TRDN: variants seen among roughly 807,000 people sequenced by gnomAD.
The protein encoded by TRDN is triadin in skeletal muscle.
In TRDN, 161 loss-of-function variants were observed where a neutral mutation model predicts 149.7. That is an observed-to-expected ratio of 1.08 (90% CI 0.95 to 1.23). TRDN has a LOEUF of 1.23. TRDN is among the 50% of genes most tolerant of loss of function. The pLI is 0.00. For missense variants in TRDN, 896 were observed against 823.5 expected, an observed-to-expected ratio of 1.09 and a Z score of -1.08; for synonymous variants, 294 against 250.5, an observed-to-expected ratio of 1.17 and a Z score of -1.64.
intron 2 of TRDN, among the ~76,000 whole-genome samples, chr6:123,562,149 C>T (rs1782036052): frequency 2.6e-5 from 4 of 152,244 alleles, no homozygotes; most frequent in African/African-American, 9.6e-5. Context: ...ACCTCGTGAC[C>T]CCTGCCCCTG....
intron 8 of TRDN, chr6:123,502,333 T>A (rs1276309189): frequency 1.2e-6 from 1 of 808,670 alleles, no homozygotes; most frequent in Non-Finnish European, 1.5e-6. Flanking sequence ...TAATTAACTT[T>A]TAAATTTTTT....
At chr6:123,351,937 T>C in intron 21 of TRDN, 1 of 982,188 alleles carries the variant, frequency 1.0e-6, no homozygotes, top group Non-Finnish European at 1.2e-6. Context: ...TCAAGCAGAG[T>C]CTGGAGTGAT....
chr6:123,503,672 C>T (rs1455684152), intron 8 of TRDN, 47 bp downstream of exon 8: 1 of 1,610,390 alleles, frequency 6.2e-7, no homozygotes, highest in Non-Finnish European at 8.5e-7. Context: ...GCTTCTTGCC[C>T]AATATTCTCT....
chr6:123,479,881 G>A (rs1448475157), intron 9 of TRDN, among the ~76,000 whole-genome samples: 2 of 152,000 alleles, frequency 1.3e-5, no homozygotes, highest in Non-Finnish European at 2.9e-5. Context: ...TAGTACAGTA[G>A]GAAGACATTA....
chr6:123,310,795 G>A (rs187623074), intron 24 of TRDN, among the ~76,000 whole-genome samples: 1 of 152,028 alleles, frequency 6.6e-6, no homozygotes, highest in East Asian at 1.9e-4. Flanking sequence ...GGTTTTTAAT[G>A]CAAAGGAAAG....
At chr6:123,398,467 C>T (rs1772825866) in intron 12 of TRDN, among the ~76,000 whole-genome samples, 2 of 152,066 alleles carry the variant, frequency 1.3e-5, no homozygotes, top group African/African-American at 4.8e-5. Context: ...TTATTTTTTG[C>T]ATAAGATAGT....
chr6:123,283,266 C>G (rs1275704093), intron 24 of TRDN, among the ~76,000 whole-genome samples: 3 of 151,706 alleles, frequency 2.0e-5, no homozygotes, highest in African/African-American at 7.3e-5. Context: ...TCTTTGAACT[C>G]AATGATAATA....
At chr6:123,524,206 A>G (rs1779825662) in intron 5 of TRDN, among the ~76,000 whole-genome samples, 1 of 152,202 alleles carries the variant, frequency 6.6e-6, no homozygotes. Context: ...GTCAGTCATT[A>G]GGACAAAGAA....
chr6:123,490,104 A>G (rs750861307), intron 9 of TRDN, among the ~76,000 whole-genome samples: 3 of 152,192 alleles, frequency 2.0e-5, no homozygotes, highest in Non-Finnish European at 4.4e-5. Flanking sequence ...TACAAGTGAA[A>G]TCTCAGACTA....
intron 8 of TRDN, among the ~76,000 whole-genome samples, chr6:123,501,242 T>C (rs776528243): frequency 3.9e-5 from 6 of 152,126 alleles, no homozygotes; most frequent in Admixed American, 3.3e-4. Flanking sequence ...AATAAATATG[T>C]GTCCCATGTG....
At chr6:123,400,167 G>GTATATATATATATA (rs374126829) in intron 12 of TRDN, among the ~76,000 whole-genome samples, 8,341 of 123,016 alleles carry the variant, frequency 0.068, 347 homozygotes, top group African/African-American at 0.083. Flanking sequence ...ATATGTATGT[G>GTATATATATATATA]TATATATATA....
intron 24 of TRDN, among the ~76,000 whole-genome samples, chr6:123,303,333 C>T (rs1455866761): frequency 1.3e-5 from 2 of 152,110 alleles, no homozygotes; most frequent in Non-Finnish European, 2.9e-5. Context: ...TGTTGTTGGA[C>T]CTACTGTGGC....
intron 9 of TRDN, among the ~76,000 whole-genome samples, chr6:123,486,463 C>T (rs1398077424): frequency 2.6e-5 from 4 of 151,832 alleles, no homozygotes; most frequent in Non-Finnish European, 5.9e-5. Context: ...ATTGTATTCC[C>T]GTTGATCCTT....
intron 35 of TRDN, among the ~76,000 whole-genome samples, chr6:123,259,142 G>A (rs1334252157): frequency 6.6e-6 from 1 of 151,848 alleles, no homozygotes; most frequent in East Asian, 1.9e-4. Context: ...CACTCCTTCA[G>A]TTCTGCTCTG....
intron 24 of TRDN, among the ~76,000 whole-genome samples, chr6:123,304,189 G>A (rs1363048993): frequency 1.3e-5 from 2 of 151,302 alleles, no homozygotes; most frequent in African/African-American, 4.9e-5. Flanking sequence ...TTGATTAGCA[G>A]TTAGAAATGC....
intron 38 of TRDN, among the ~76,000 whole-genome samples, chr6:123,248,920 A>G: frequency 6.6e-6 from 1 of 152,172 alleles, no homozygotes; most frequent in Non-Finnish European, 1.5e-5. Flanking sequence ...ACAAAGAAAT[A>G]AAACTCCCAA....
At chr6:123,465,109 T>C in intron 9 of TRDN, 126 bp from the exon 10 acceptor site, 1 of 1,061,400 alleles carries the variant, frequency 9.4e-7, no homozygotes, top group Middle Eastern at 3.2e-4. Flanking sequence ...TAAATCATAT[T>C]ATTATGCAAA....
At chr6:123,559,315 C>G (rs927942049) in intron 2 of TRDN, among the ~76,000 whole-genome samples, 2 of 152,178 alleles carry the variant, frequency 1.3e-5, no homozygotes, top group African/African-American at 4.8e-5. Flanking sequence ...AACTCCCCAG[C>G]TCTGGTGCCA....
chr6:123,626,270 C>A (rs550534233), intron 1 of TRDN, among the ~76,000 whole-genome samples: 1 of 152,106 alleles, frequency 6.6e-6, no homozygotes, highest in Non-Finnish European at 1.5e-5. Context: ...TCCCTTGAGA[C>A]CAGGAGTTCA....
Sources: gnomAD v4.1 joint callset for allele counts (sites outside exome capture counted in the v4.1 genomes callset) on GRCh38, gnomAD v4.1.1 for gene constraint, MANE v1.5 for transcripts, NCBI Gene and HGNC (gene_info 2026-07-23, HGNC 2026-07-21) for gene names.